PRKG1: variants seen among roughly 807,000 people sequenced by gnomAD.
PRKG1 encodes the protein cGMP-dependent protein kinase 1.
A neutral mutation model predicts 88.1 loss-of-function variants in PRKG1; 35 were observed. The ratio of observed to expected loss-of-function variants is 0.40; its 90% CI spans 0.30 to 0.53. The LOEUF is 0.53. PRKG1 is among the 20% of genes least tolerant of loss of function. The pLI is 0.59. For missense variants in PRKG1, 540 were observed against 839.8 expected (o/e 0.64, Z 4.41); for synonymous variants, 303 against 292.5 (o/e 1.04, Z -0.37).
chr10:52,130,765 T>A (rs1837230662), intron 7 of PRKG1, among the ~76,000 whole-genome samples: 2 of 152,164 alleles, frequency 1.3e-5, no homozygotes, highest in Admixed American at 1.3e-4. Context: ...TCACCAAAAA[T>A]TCCCACTATG....
intron 2 of PRKG1, among the ~76,000 whole-genome samples, chr10:51,269,677 G>T (rs1035838916): frequency 2.6e-5 from 4 of 152,030 alleles, no homozygotes; most frequent in African/African-American, 9.7e-5. Flanking sequence ...GGGTACAAAG[G>T]CATAAGAATG....
At chr10:51,091,185 G>T (rs979793507) in intron 1 of PRKG1, among the ~76,000 whole-genome samples, 2 of 152,148 alleles carry the variant, frequency 1.3e-5, no homozygotes, top group African/African-American at 4.8e-5. Context: ...TTTGAGATGT[G>T]TCATGTAATA....
At chr10:51,276,996 T>C (rs1840141001) in intron 2 of PRKG1, among the ~76,000 whole-genome samples, 1 of 152,216 alleles carries the variant, frequency 6.6e-6, no homozygotes, top group Non-Finnish European at 1.5e-5. Context: ...TTGGCTTTTG[T>C]TGCCATTGCT....
intron 3 of PRKG1, among the ~76,000 whole-genome samples, chr10:51,626,365 G>C (rs181698088): frequency 3.7e-4 from 57 of 152,238 alleles, no homozygotes; most frequent in African/African-American, 1.2e-3. Context: ...ATATCATAGG[G>C]CATATTTTTA....
At chr10:52,180,767 G>A (rs561137264) in intron 9 of PRKG1, among the ~76,000 whole-genome samples, 8 of 152,120 alleles carry the variant, frequency 5.3e-5, no homozygotes, top group African/African-American at 9.7e-5. Flanking sequence ...ATGTACATGC[G>A]CACGGTGAGT....
At chr10:51,268,669 G>T (rs959462736) in intron 2 of PRKG1, among the ~76,000 whole-genome samples, 1 of 152,084 alleles carries the variant, frequency 6.6e-6, no homozygotes, top group Non-Finnish European at 1.5e-5. Flanking sequence ...AAACACACAT[G>T]CTCTACAAAC....
chr10:51,137,679 A>T (rs1845721854), intron 1 of PRKG1, among the ~76,000 whole-genome samples: 1 of 152,232 alleles, frequency 6.6e-6, no homozygotes, highest in South Asian at 2.1e-4. Context: ...CTGAATTTGG[A>T]AGTAATCATC....
intron 3 of PRKG1, among the ~76,000 whole-genome samples, chr10:51,614,902 ATT>A (rs1258568775): frequency 4.0e-5 from 6 of 149,764 alleles, no homozygotes; most frequent in Non-Finnish European, 8.9e-5. Context: ...GGCTAGCAGT[ATT>A]TTTTTCTCTT....
chr10:52,130,631 G>T (rs1401615781), intron 7 of PRKG1, among the ~76,000 whole-genome samples: 1 of 151,988 alleles, frequency 6.6e-6, no homozygotes, highest in African/African-American at 2.4e-5. Context: ...TCATTTATTT[G>T]TTTTTGGCTG....
intron 7 of PRKG1, among the ~76,000 whole-genome samples, chr10:52,116,912 A>C (rs1358516686): frequency 1.3e-5 from 2 of 151,960 alleles, no homozygotes; most frequent in Non-Finnish European, 2.9e-5. Flanking sequence ...GATTAGTGGC[A>C]CATTTGGTAT....
chr10:52,158,069 G>C (rs773752954), intron 8 of PRKG1, among the ~76,000 whole-genome samples: 1 of 151,518 alleles, frequency 6.6e-6, no homozygotes, highest in Non-Finnish European at 1.5e-5. Flanking sequence ...CCATTTGCTC[G>C]GTAACATGTC....
chr10:52,069,475 G>C (rs2133282659), intron 7 of PRKG1, among the ~76,000 whole-genome samples: 1 of 152,226 alleles, frequency 6.6e-6, no homozygotes, highest in Admixed American at 6.5e-5. Context: ...AGGTTGCAGT[G>C]AATGAGATCA....
chr10:51,464,559 CA>C (rs1348459853), intron 2 of PRKG1, among the ~76,000 whole-genome samples: 1 of 151,698 alleles, frequency 6.6e-6, no homozygotes, highest in South Asian at 2.1e-4. Context: ...CCTACCTTAT[CA>C]AAAAAATAAG....
At chr10:51,001,445 A>G (rs1842888659) in intron 1 of PRKG1, among the ~76,000 whole-genome samples, 1 of 152,270 alleles carries the variant, frequency 6.6e-6, no homozygotes, top group African/African-American at 2.4e-5. Context: ...TTGATAGGAT[A>G]CACATTTATT....
intron 1 of PRKG1, among the ~76,000 whole-genome samples, chr10:50,997,197 C>T (rs1234653955): frequency 2.0e-5 from 3 of 152,168 alleles, no homozygotes; most frequent in African/African-American, 7.2e-5. Context: ...TGCATCGGTA[C>T]CAGAGTTGGT....
At chr10:51,404,929 T>C (rs1336406138) in intron 2 of PRKG1, among the ~76,000 whole-genome samples, 1 of 152,194 alleles carries the variant, frequency 6.6e-6, no homozygotes, top group East Asian at 1.9e-4. Flanking sequence ...CAGGACTTTC[T>C]TACTCTTCTT....
At chr10:52,010,734 G>A (rs557615471) in intron 5 of PRKG1, among the ~76,000 whole-genome samples, 8 of 152,254 alleles carry the variant, frequency 5.3e-5, no homozygotes, top group Non-Finnish European at 8.8e-5. Flanking sequence ...AAAATGTTGC[G>A]AATTCCTATT....
At chr10:51,105,506 AG>A (rs1428965171) in intron 1 of PRKG1, among the ~76,000 whole-genome samples, 3 of 152,202 alleles carry the variant, frequency 2.0e-5, no homozygotes, top group Admixed American at 2.0e-4. Flanking sequence ...AAGAAGGTTG[AG>A]TCAAATATTA....
At chr10:51,058,902 C>T (rs1485923020) in intron 1 of PRKG1, among the ~76,000 whole-genome samples, 1 of 152,126 alleles carries the variant, frequency 6.6e-6, no homozygotes, top group Non-Finnish European at 1.5e-5. Context: ...GCAGTACTAT[C>T]TATTTAAACG....
Sources: gnomAD v4.1 joint callset for allele counts (sites outside exome capture counted in the v4.1 genomes callset) on GRCh38, gnomAD v4.1.1 for gene constraint, MANE v1.5 for transcripts, NCBI Gene and HGNC (gene_info 2026-07-23, HGNC 2026-07-21) for gene names.